Variants in RAP1GDS1 observed in about 807,000 individuals in gnomAD.
RAP1GDS1 encodes RAP1, GTP-GDP dissociation stimulator 1.
RAP1GDS1 carries 35 observed loss-of-function variants against 71.1 expected under a neutral mutation model. That is an observed-to-expected ratio of 0.49 (90% CI 0.38 to 0.65). RAP1GDS1 has a LOEUF of 0.65. RAP1GDS1 is among the 30% of genes least tolerant of loss of function. The pLI, the probability that RAP1GDS1 is intolerant of heterozygous loss-of-function variation, is 0.00. For missense variants in RAP1GDS1, 663 were observed against 706.1 expected, an observed-to-expected ratio of 0.94 and a Z score of 0.69; for synonymous variants, 229 against 243.1, an observed-to-expected ratio of 0.94 and a Z score of 0.54.
At chr4:98,288,048 T>TA (rs1726303728) in intron 1 of RAP1GDS1, among the ~76,000 whole-genome samples, 2 of 152,222 alleles carry the variant, frequency 1.3e-5, no homozygotes, top group Non-Finnish European at 2.9e-5. Flanking sequence ...TTCTTTTTTT[T>TA]ACTATAAGTT....
intron 2 of RAP1GDS1, among the ~76,000 whole-genome samples, chr4:98,319,733 A>G (rs1477769544): frequency 1.3e-5 from 2 of 151,154 alleles, no homozygotes; most frequent in Non-Finnish European, 2.9e-5. Flanking sequence ...GTGAGCCAAA[A>G]TCATGCCACT....
intron 4 of RAP1GDS1, among the ~76,000 whole-genome samples, chr4:98,369,969 A>C (rs1344209593): frequency 6.6e-6 from 1 of 152,240 alleles, no homozygotes; most frequent in Non-Finnish European, 1.5e-5. Context: ...GACGTTCTGG[A>C]AAACATGGCT....
intron 7 of RAP1GDS1, among the ~76,000 whole-genome samples, chr4:98,414,914 C>T (rs1010583039): frequency 6.6e-5 from 10 of 151,020 alleles, no homozygotes; most frequent in Non-Finnish European, 1.5e-4. Context: ...TGTAGTTCTC[C>T]TTGAAGAGGT....
At position 98,437,053 on chromosome 4, in the gene RAP1GDS1, G is replaced by A. The variant is rs779309304; in HGVS notation, c.1681G>A (p.Ala561Thr). The change falls in exon 14 of 15, where the codon GCT becomes ACT. Residue 561 changes from alanine to threonine, a missense_variant. Physicochemically the swap from Ala to Thr is moderately conservative, Grantham distance 58 (BLOSUM62 0). Transcript: ENST00000408927. ...ATATAATTCCATGGTCCTGATATGT[G>A]CTCTTATGGGATCTGGTAAGTATTC... ...IKYNSMVLICALMGSECLHKE... is the reference protein window; with the variant it reads ...IKYNSMVLICTLMGSECLHKE... 1.2e-6 allele frequency: 2 copies of A among 1,603,618 alleles called. No individual in the cohort carries two copies. The highest frequency in any genetic ancestry group is 1.1e-5 in the South Asian group (1 of 88,754).
intron 4 of RAP1GDS1, among the ~76,000 whole-genome samples, chr4:98,358,049 G>A (rs1455274432): frequency 6.6e-6 from 1 of 151,974 alleles, no homozygotes; most frequent in Non-Finnish European, 1.5e-5. Context: ...CTGTGTATAA[G>A]CACTGATTTC....
intron 2 of RAP1GDS1, among the ~76,000 whole-genome samples, chr4:98,295,152 A>G (rs750523216): frequency 6.6e-5 from 10 of 152,218 alleles, no homozygotes; most frequent in Middle Eastern, 6.8e-3. Flanking sequence ...GATTTAAGAA[A>G]CACTGAGAAG....
chr4:98,357,507 G>C (rs1738131229), intron 4 of RAP1GDS1, among the ~76,000 whole-genome samples: 2 of 151,980 alleles, frequency 1.3e-5, no homozygotes, highest in South Asian at 4.1e-4. Context: ...GATTGAAGTA[G>C]ATGTTGTTTT....
chr4:98,291,000 T>C (rs544137592), intron 1 of RAP1GDS1, among the ~76,000 whole-genome samples: 6 of 152,294 alleles, frequency 3.9e-5, no homozygotes, highest in African/African-American at 1.4e-4. Flanking sequence ...AACAAGTGTT[T>C]AGACTGATGT....
chr4:98,421,265 T>C lies in RAP1GDS1; in HGVS notation c.1311T>C (p.Ala437=), dbSNP rs377383389. 9 of 1,608,096 alleles carry C rather than the reference T, an allele frequency of 5.6e-6. No individual in the cohort carries two copies. The African/African-American group carries it at 1.2e-4, about 21-fold the overall frequency. The change falls in exon 12 of 15, where the codon GCT becomes GCC. Residue 437 remains alanine (A), a synonymous_variant. Transcript: ENST00000408927. ...RMLIDAQAEA[A]EQLGKNVKLV... The stretch of plus-strand genomic sequence containing the variant: ...CCTTCTTTCCTATAGCAGAAGCTGC[T>C]GAACAATTGGGAAAGAATGTTAAGT...
chr4:98,431,247 A>G (rs1750363946), intron 12 of RAP1GDS1, among the ~76,000 whole-genome samples: 1 of 152,232 alleles, frequency 6.6e-6, no homozygotes, highest in South Asian at 2.1e-4. Flanking sequence ...CTTTGATGAT[A>G]CAATCTTGAA....
chr4:98,286,264 CAA>C (rs752872418), intron 1 of RAP1GDS1, among the ~76,000 whole-genome samples: 54 of 102,632 alleles, frequency 5.3e-4, no homozygotes, highest in Admixed American at 5.2e-4. Flanking sequence ...GACCCTGTCT[CAA>C]AAAAAAAAAA....
intron 1 of RAP1GDS1, among the ~76,000 whole-genome samples, chr4:98,271,050 C>G (rs908260192): frequency 2.6e-5 from 4 of 152,058 alleles, no homozygotes; most frequent in African/African-American, 9.7e-5. Context: ...GGCTTCTGGT[C>G]AGCATTAGGC....
intron 4 of RAP1GDS1, among the ~76,000 whole-genome samples, chr4:98,368,109 G>T (rs1009782160): frequency 2.6e-5 from 4 of 152,096 alleles, no homozygotes; most frequent in African/African-American, 9.7e-5. Context: ...CATGGGGGCA[G>T]ATCTTTCCTG....
At chr4:98,425,239 C>T (rs1749447596) in intron 12 of RAP1GDS1, among the ~76,000 whole-genome samples, 1 of 152,016 alleles carries the variant, frequency 6.6e-6, no homozygotes, top group Non-Finnish European at 1.5e-5. Context: ...CAAAAGGAGC[C>T]CTAAATCTTA....
At position 98,380,905 on chromosome 4, in the gene RAP1GDS1, A is replaced by T. The variant is rs1741902279; in HGVS notation, c.508+1742A>T. On this transcript the variant is annotated intron_variant, in intron 5 of 14. Coordinates refer to ENST00000408927, the MANE Select transcript of RAP1GDS1 (RefSeq NM_001100427.2). ...TAGTTCTTTGAGGAAGCTGTTAAAA[A>T]AAAATCTGTATAGAGGTATTAATAT... 2.0e-5 allele frequency among the ~76,000 whole-genome samples: 3 copies of T among 151,744 alleles called. No individual in the cohort carries two copies. In the South Asian group the frequency reaches 6.2e-4, roughly 31 times the overall value.
At chr4:98,261,860 C>T (rs1722036750) in intron 1 of RAP1GDS1, among the ~76,000 whole-genome samples, 1 of 152,134 alleles carries the variant, frequency 6.6e-6, no homozygotes. Flanking sequence ...TGCCGGTGCC[C>T]GGGCACCACG....
intron 2 of RAP1GDS1, among the ~76,000 whole-genome samples, chr4:98,312,709 G>T (rs1730404962): frequency 6.6e-6 from 1 of 151,930 alleles, no homozygotes; most frequent in Non-Finnish European, 1.5e-5. Flanking sequence ...GTATGTTTGT[G>T]TAGCTATACA....
At chr4:98,294,778 G>A (rs1034691521) in intron 2 of RAP1GDS1, among the ~76,000 whole-genome samples, 1 of 152,096 alleles carries the variant, frequency 6.6e-6, no homozygotes, top group Admixed American at 6.6e-5. Flanking sequence ...CTTATGGATA[G>A]CACTGGTCTA....
intron 6 of RAP1GDS1, among the ~76,000 whole-genome samples, chr4:98,402,055 A>C (rs1398069665): frequency 6.6e-6 from 1 of 151,948 alleles, no homozygotes; most frequent in African/African-American, 2.4e-5. Context: ...GGGATAAATC[A>C]TCTCTACTTA....
Sources: gnomAD v4.1 joint callset for allele counts (sites outside exome capture counted in the v4.1 genomes callset) on GRCh38, gnomAD v4.1.1 for gene constraint, MANE v1.5 for transcripts, NCBI Gene and HGNC (gene_info 2026-07-23, HGNC 2026-07-21) for gene names.